DYNLT5: variants seen among roughly 807,000 people sequenced by gnomAD.
DYNLT5 encodes dynein light chain Tctex-type family member 5, also known as dynein light chain Tctex-type 5.
A neutral mutation model predicts 19.3 loss-of-function variants in DYNLT5; 25 were observed. The observed-to-expected ratio is 1.30, with a 90% confidence interval of 0.95 to 1.81. DYNLT5 has a LOEUF of 1.81. Ranked by LOEUF, DYNLT5 falls within the 40% of genes most tolerant of loss-of-function variation. The probability of loss-of-function intolerance (pLI) is 0.00; values close to 1 mark genes in which losing one functional copy is unlikely to be tolerated. For synonymous variants in DYNLT5, 82 were observed against 68.9 expected, an observed-to-expected ratio of 1.19 and a Z score of -0.94; for missense variants, 232 against 217.9, an observed-to-expected ratio of 1.06 and a Z score of -0.41.
intron 2 of DYNLT5, among the ~76,000 whole-genome samples, chr1:66,764,351 G>A (rs1182442403): frequency 6.6e-6 from 1 of 152,106 alleles, no homozygotes; most frequent in Non-Finnish European, 1.5e-5. Flanking sequence ...TGAGAGATGT[G>A]GGACTCTTCC....
chr1:66,756,457 C>T (rs1262996764), intron 2 of DYNLT5, among the ~76,000 whole-genome samples: 1 of 152,138 alleles, frequency 6.6e-6, no homozygotes, highest in African/African-American at 2.4e-5. Flanking sequence ...AGCTTAGTGA[C>T]TATCAAATAC....
chr1:66,761,689 G>A (rs1057263045), intron 2 of DYNLT5, among the ~76,000 whole-genome samples: 1 of 152,136 alleles, frequency 6.6e-6, no homozygotes, highest in Non-Finnish European at 1.5e-5. Flanking sequence ...TGAGGCAGGA[G>A]GATCCCTAAG....
rs539360449 is a variant in DYNLT5, at chr1:66,768,254, G to A, written c.120-2133G>A. Among the ~76,000 whole-genome samples, 19 of 152,192 alleles carry A rather than the reference G, an allele frequency of 1.2e-4. No individual in the cohort carries two copies. In the East Asian group the frequency reaches 3.7e-3, roughly 29 times the overall value. ...AATTTTTTTAAAGCATCTATAATATGAGCCCATATGTAAAATCAAATGTCT... is the reference window on the plus strand; with the variant it reads ...AATTTTTTTAAAGCATCTATAATATAAGCCCATATGTAAAATCAAATGTCT... On this transcript the variant is annotated intron_variant, in intron 2 of 4. Coordinates refer to ENST00000282670, the MANE Select transcript of DYNLT5 (RefSeq NM_152665.3).
In DYNLT5 at chr1:66,753,154, C is replaced by T. The variant is rs559644978; in HGVS notation, c.-4+570C>T. 2.6e-5 allele frequency among the ~76,000 whole-genome samples: 4 copies of T among 152,252 alleles called. No individual in the cohort carries two copies. The South Asian group carries it at 6.2e-4, about 24-fold the overall frequency. ...ACTCAAGGACGCTCACACTCACGTG[C>T]ACACACACACCACGCTGCCTGCCTC... On this transcript the variant is annotated intron_variant, in intron 1 of 4. Transcript: ENST00000282670.
At chr1:66,770,796 T>C in intron 3 of DYNLT5, 1 of 370,414 alleles carries the variant, frequency 2.7e-6, no homozygotes, top group East Asian at 6.4e-5. Context: ...ATGAAAGAGA[T>C]AAGTATTGAT....
intron 2 of DYNLT5, among the ~76,000 whole-genome samples, chr1:66,767,292 T>G (rs1645165890): frequency 6.6e-6 from 1 of 152,194 alleles, no homozygotes; most frequent in South Asian, 2.1e-4. Context: ...TCTTGCTCTG[T>G]TGCCCAGGCT....
rs150536425 is a variant in DYNLT5 at position 66,777,382 on chromosome 1, C to G, written c.468C>G (p.Thr156=). The change falls in exon 5 of 5, where the codon ACC becomes ACG. Residue 156 remains threonine (T), a synonymous_variant. Transcript: ENST00000282670. ...GCCTCTGGGATCCTAAAAGTGATAC[C>G]TTTTCATCTTATGTTTTCAGAAATT... is the stretch of plus-strand genomic sequence containing the variant. The part of the protein sequence containing the change: ...SRCLWDPKSD[T]FSSYVFRNSS... The G allele has an allele frequency of 6.2e-7, 1 of 1,613,850 alleles. No homozygotes were observed. Among genetic ancestry groups the G allele is most frequent in the African/African-American group, 1.3e-5 (1 of 75,018 alleles).
chr1:66,775,889 T>TTAGA (rs1645231528), intron 3 of DYNLT5, among the ~76,000 whole-genome samples: 1 of 152,058 alleles, frequency 6.6e-6, no homozygotes, highest in South Asian at 2.1e-4. Flanking sequence ...GAATCACACT[T>TTAGA]TAGACCTCGC....
chr1:66,756,593 TGA>T lies in DYNLT5; in HGVS notation c.119+1817_119+1818del, dbSNP rs1390058634. ...AAACATTCTGAAGTTTATTAAGGAC[TGA>T]ATACATTATCTCACTGAATCTCCCC... On this transcript the variant is annotated intron_variant, in intron 2 of 4. Transcript: ENST00000282670. Among the ~76,000 whole-genome samples, 4 of 152,368 alleles carry T rather than the reference TGA, an allele frequency of 2.6e-5. No individual in the cohort carries two copies. The East Asian group carries it at 5.8e-4, about 22-fold the overall frequency.
At chr1:66,760,179 A>G (rs772219752) in intron 2 of DYNLT5, among the ~76,000 whole-genome samples, 2 of 152,170 alleles carry the variant, frequency 1.3e-5, no homozygotes, top group African/African-American at 4.8e-5. Context: ...TGAGGCATGT[A>G]TCACCTTTTA....
intron 2 of DYNLT5, 72 bp from the exon 3 acceptor site, chr1:66,770,315 C>T (rs1428026873): frequency 3.0e-6 from 3 of 1,013,796 alleles, no homozygotes; most frequent in Non-Finnish European, 3.1e-6. Flanking sequence ...AACATTTTAG[C>T]TTAAAGCAAT....
At position 66,776,366 on chromosome 1, in the gene DYNLT5, C is replaced by A. The variant is rs1645234936; in HGVS notation, c.299C>A (p.Pro100Gln). The change falls in exon 4 of 5, where the codon CCA (proline) becomes CAA (glutamine). Residue 100 changes from proline to glutamine, a missense_variant. Transcript: ENST00000282670. ...TATCTACAAGTAGAAGAATATGAAC[C>A]AGAGCTCTGTAGACAGATGACTAAA... ...TSYLQVEEYEPELCRQMTKTI... is the reference protein window; with the variant it reads ...TSYLQVEEYEQELCRQMTKTI... The A allele has an allele frequency of 2.5e-6, 4 of 1,612,508 alleles. No individual in the cohort carries two copies. In the South Asian group the frequency reaches 3.3e-5, roughly 13 times the overall value.
At position 66,777,469 on chromosome 1, in the gene DYNLT5, T is replaced by C. The variant is rs2150870319; in HGVS notation, c.*15T>C. ...ACCTTGAGTGATTGAAAATAAGAAA[T>C]CTAGCTCTTACTTTTGAAAATTCTG... On this transcript the variant is annotated 3_prime_UTR_variant, in exon 5 of 5. Coordinates refer to ENST00000282670, the MANE Select transcript of DYNLT5 (RefSeq NM_152665.3). The C allele has an allele frequency of 6.2e-7, 1 of 1,607,060 alleles. No homozygotes were observed. Among genetic ancestry groups the C allele is most frequent in the East Asian group, 2.2e-5 (1 of 44,766 alleles).
At position 66,776,296 on chromosome 1, in the gene DYNLT5, C is replaced by G. The variant is rs775744632; in HGVS notation, c.229C>G (p.Pro77Ala). 6.2e-7 allele frequency: 1 copy of G among 1,612,356 alleles called. No individual in the cohort carries two copies. ...ATTTTCAGGTCCTCCCAAACATTTT[C>G]CTGTGGTCACCGTCAATCATATTTT... is the stretch of plus-strand genomic sequence containing the variant. ...TYQLGPPKHFPVVTVNHILKD... is the reference protein window; with the variant it reads ...TYQLGPPKHFAVVTVNHILKD... Residue 77 changes from proline (P) to alanine (A), a missense_variant, in exon 4 of 5, where the codon CCT becomes GCT. By Grantham distance (27) the Pro-to-Ala change is conservative. Coordinates refer to ENST00000282670, the MANE Select transcript of DYNLT5 (RefSeq NM_152665.3).
intron 2 of DYNLT5, among the ~76,000 whole-genome samples, chr1:66,757,924 A>T (rs1384086768): frequency 3.9e-5 from 6 of 152,232 alleles, no homozygotes; most frequent in African/African-American, 1.4e-4. Flanking sequence ...GCACTGTAAC[A>T]GCAGAGTTGA....
intron 2 of DYNLT5, among the ~76,000 whole-genome samples, chr1:66,769,697 T>C (rs932975173): frequency 6.6e-6 from 1 of 152,148 alleles, no homozygotes; most frequent in East Asian, 1.9e-4. Flanking sequence ...AATTAAGTAG[T>C]GCTGGAGAGA....
In DYNLT5 at chr1:66,770,455, A is replaced by G; in HGVS notation, c.188A>G (p.Gln63Arg). 1.2e-6 allele frequency: 2 copies of G among 1,613,408 alleles called. No homozygotes were observed. The highest frequency in any genetic ancestry group is 8.5e-7 in the Non-Finnish European group (1 of 1,179,490). ...GATGATATCTCTCGCCTTACAGTTCAGATGGAAAACACCTATCAGTTGGGT... is the reference window on the plus strand; with the variant it reads ...GATGATATCTCTCGCCTTACAGTTCGGATGGAAAACACCTATCAGTTGGGT... ...QRDDISRLTV[Q>R]MENTYQLGPP... The change falls in exon 3 of 5, where the codon CAG becomes CGG. Residue 63 changes from glutamine to arginine, a missense_variant. Physicochemically the swap from Gln to Arg is conservative, Grantham distance 43. Coordinates refer to ENST00000282670, the MANE Select transcript of DYNLT5 (RefSeq NM_152665.3).
chr1:66,758,046 C>T (rs1274794810), intron 2 of DYNLT5, among the ~76,000 whole-genome samples: 1 of 152,144 alleles, frequency 6.6e-6, no homozygotes, highest in African/African-American at 2.4e-5. Flanking sequence ...TATTATCTCC[C>T]CCATTCGACA....
intron 3 of DYNLT5, among the ~76,000 whole-genome samples, chr1:66,772,509 A>G (rs1412918816): frequency 1.3e-5 from 2 of 152,258 alleles, no homozygotes; most frequent in Non-Finnish European, 1.5e-5. Flanking sequence ...TCACATTTCA[A>G]TATGAGATTT....
Sources: allele counts gnomAD v4.1 joint callset (sites outside exome capture counted in the v4.1 genomes callset), GRCh38; gene constraint gnomAD v4.1.1; transcripts MANE v1.5; gene names NCBI Gene and HGNC (gene_info 2026-07-23, HGNC 2026-07-21).